The following NRXN3 variants were observed in gnomAD, a reference collection of about 807,000 sequenced individuals.
NRXN3 encodes the protein neurexin III.
Under a neutral mutation model 137.6 loss-of-function variants are expected in NRXN3, and 32 were observed. The ratio of observed to expected loss-of-function variants is 0.23; its 90% CI spans 0.18 to 0.31. NRXN3 has a LOEUF of 0.31. Among genes scored for constraint, NRXN3 ranks in the 10% least tolerant of loss-of-function variants. NRXN3 has a pLI of 1.00. For missense variants in NRXN3, 1,574 were observed against 2,062.5 expected, an observed-to-expected ratio of 0.76 and a Z score of 4.59; for synonymous variants, 798 against 784.5, an observed-to-expected ratio of 1.02 and a Z score of -0.29.
At chr14:79,355,006 C>T (rs1046236279) in intron 15 of NRXN3, among the ~76,000 whole-genome samples, 3 of 152,084 alleles carry the variant, frequency 2.0e-5, no homozygotes, top group Admixed American at 2.0e-4. Context: ...TTAGGTCAGT[C>T]AGCATAGATG....
At chr14:79,379,236 C>T (rs2094395638) in intron 15 of NRXN3, among the ~76,000 whole-genome samples, 4 of 152,076 alleles carry the variant, frequency 2.6e-5, no homozygotes, top group South Asian at 4.1e-4. Flanking sequence ...TGTATAGTCC[C>T]TATAATGATT....
intron 4 of NRXN3, among the ~76,000 whole-genome samples, chr14:78,451,453 T>G (rs2094549255): frequency 6.6e-6 from 1 of 152,236 alleles, no homozygotes; most frequent in Non-Finnish European, 1.5e-5. Flanking sequence ...AGTTCCATTC[T>G]GTGCCCTGCC....
intron 10 of NRXN3, among the ~76,000 whole-genome samples, chr14:78,903,339 G>A (rs546017319): frequency 1.3e-5 from 2 of 151,598 alleles, no homozygotes; most frequent in East Asian, 2.0e-4. Flanking sequence ...ATAGGGTTTC[G>A]CCACATTGCC....
chr14:79,819,402 A>G (rs954098056), intron 20 of NRXN3, among the ~76,000 whole-genome samples: 2 of 147,990 alleles, frequency 1.4e-5, no homozygotes, highest in African/African-American at 5.0e-5. Context: ...CTTCTTGCCC[A>G]TTTTATAGTC....
intron 15 of NRXN3, among the ~76,000 whole-genome samples, chr14:79,260,580 G>A (rs1011990817): frequency 2.6e-5 from 4 of 152,068 alleles, no homozygotes; most frequent in African/African-American, 9.7e-5. Flanking sequence ...TTCTCAGTTT[G>A]GGGGCTGAAT....
intron 16 of NRXN3, among the ~76,000 whole-genome samples, chr14:79,574,153 T>G (rs1001178421): frequency 2.0e-5 from 3 of 152,046 alleles, no homozygotes; most frequent in African/African-American, 7.2e-5. Context: ...TATGATTGTA[T>G]TCTATCAACA....
intron 15 of NRXN3, among the ~76,000 whole-genome samples, chr14:79,052,314 A>T (rs1217076093): frequency 1.3e-5 from 2 of 152,238 alleles, no homozygotes; most frequent in Non-Finnish European, 2.9e-5. Context: ...GATTTCTAGG[A>T]TAAAATTCAG....
At chr14:78,507,126 T>C (rs2096009966) in intron 4 of NRXN3, among the ~76,000 whole-genome samples, 1 of 152,198 alleles carries the variant, frequency 6.6e-6, no homozygotes, top group South Asian at 2.1e-4. Flanking sequence ...TGACGCTATG[T>C]CACTCAAATA....
At chr14:78,173,877 T>C (rs1276526103) in intron 1 of NRXN3, among the ~76,000 whole-genome samples, 1 of 151,822 alleles carries the variant, frequency 6.6e-6, no homozygotes, top group East Asian at 2.0e-4. Flanking sequence ...GGCTTCATTT[T>C]GCTTGGTTTC....
At chr14:78,905,024 G>A (rs1455846905) in intron 10 of NRXN3, among the ~76,000 whole-genome samples, 1 of 151,900 alleles carries the variant, frequency 6.6e-6, no homozygotes, top group African/African-American at 2.4e-5. Context: ...CTAACTCTTT[G>A]GCCATGTATC....
At chr14:79,438,136 G>A (rs1375630255) in intron 15 of NRXN3, among the ~76,000 whole-genome samples, 1 of 152,096 alleles carries the variant, frequency 6.6e-6, no homozygotes, top group Non-Finnish European at 1.5e-5. Context: ...TTTTCTCCTG[G>A]GATCGGGCTG....
chr14:79,182,589 T>A (rs2063060358), intron 15 of NRXN3, among the ~76,000 whole-genome samples: 1 of 152,158 alleles, frequency 6.6e-6, no homozygotes, highest in Admixed American at 6.5e-5. Context: ...GGGGAGCGGC[T>A]GTAAATACAG....
chr14:79,663,871 G>A lies in NRXN3; in HGVS notation c.3538G>A (p.Val1180Met), dbSNP rs964181554. Reference protein sequence around the residue: ...RTPVNDGKYHVVRFTRNGGNA... With the variant: ...RTPVNDGKYHMVRFTRNGGNA... ...CCCTGTAAATGACGGCAAATACCATGTGGTACGCTTCACCAGGAACGGCGG... is the reference window on the plus strand; with the variant it reads ...CCCTGTAAATGACGGCAAATACCATATGGTACGCTTCACCAGGAACGGCGG... The change falls in exon 17 of 21, where the codon GTG becomes ATG. Residue 1180 changes from valine to methionine, a missense_variant. Val to Met is a conservative substitution (Grantham distance 21). This residue lies in a region of NRXN3 where 133 missense variants were observed against 241.8 expected (regional missense o/e 0.55). Coordinates refer to ENST00000335750, the MANE Select transcript of NRXN3 (RefSeq NM_001330195.2). 6.2e-7 allele frequency: 1 copy of A among 1,613,496 alleles called. No homozygotes were observed. Among genetic ancestry groups the A allele is most frequent in the Non-Finnish European group, 8.5e-7 (1 of 1,179,688 alleles).
At chr14:78,819,400 A>T (rs1187249180) in intron 10 of NRXN3, among the ~76,000 whole-genome samples, 1 of 152,224 alleles carries the variant, frequency 6.6e-6, no homozygotes, top group African/African-American at 2.4e-5. Context: ...AAATACATAT[A>T]ACAGCTATTT....
chr14:78,678,456 T>C (rs904926442), intron 6 of NRXN3, among the ~76,000 whole-genome samples: 1 of 152,030 alleles, frequency 6.6e-6, no homozygotes, highest in Non-Finnish European at 1.5e-5. Context: ...GCTACTCCAG[T>C]ATATTTTCAT....
intron 4 of NRXN3, among the ~76,000 whole-genome samples, chr14:78,303,620 C>T (rs2077084585): frequency 6.6e-6 from 1 of 152,162 alleles, no homozygotes; most frequent in Non-Finnish European, 1.5e-5. Context: ...CCTCTGCCCA[C>T]CTATCACCCC....
intron 10 of NRXN3, among the ~76,000 whole-genome samples, chr14:78,942,625 G>A (rs1425119608): frequency 1.3e-5 from 2 of 152,168 alleles, no homozygotes; most frequent in East Asian, 3.9e-4. Context: ...GAAAACAGGA[G>A]GGGGAAAATG....
At chr14:79,812,489 G>A (rs1180109610) in intron 20 of NRXN3, among the ~76,000 whole-genome samples, 1 of 149,876 alleles carries the variant, frequency 6.7e-6, no homozygotes, top group African/African-American at 2.4e-5. Context: ...TCAGTGAACA[G>A]CATACCTTAT....
At chr14:79,613,139 A>G (rs954231986) in intron 16 of NRXN3, among the ~76,000 whole-genome samples, 1 of 152,224 alleles carries the variant, frequency 6.6e-6, no homozygotes, top group Non-Finnish European at 1.5e-5. Context: ...TCAGAAGCCT[A>G]TTTAATCATA....
Sources: allele counts gnomAD v4.1 joint callset (sites outside exome capture counted in the v4.1 genomes callset), GRCh38; gene constraint gnomAD v4.1.1; regional missense constraint gnomAD v4.1.1; transcripts MANE v1.5; gene names NCBI Gene and HGNC (gene_info 2026-07-23, HGNC 2026-07-21).